Variants in SNX29 observed in about 807,000 individuals in gnomAD.
SNX29 encodes the protein sorting nexin-29.
A neutral mutation model predicts 102.1 loss-of-function variants in SNX29; 78 were observed. That is an observed-to-expected ratio of 0.76 (90% CI 0.64 to 0.92). The LOEUF (loss-of-function observed/expected upper bound fraction) is 0.92. Among genes scored for constraint, SNX29 ranks in the 40% least tolerant of loss-of-function variants. The pLI is 0.00. For synonymous variants in SNX29, 580 were observed against 414.5 expected (o/e 1.40, Z -4.85); for missense variants, 1,280 against 1,061.7 (o/e 1.21, Z -2.86).
chr16:12,560,372 C>CGCTCA (rs2078654515), intron 20 of SNX29, among the ~76,000 whole-genome samples: 2 of 152,102 alleles, frequency 1.3e-5, no homozygotes, highest in Non-Finnish European at 2.9e-5. Flanking sequence ...ACAGGTTGTG[C>CGCTCA]GCTCAGTATT....
intron 3 of SNX29, among the ~76,000 whole-genome samples, chr16:12,017,226 C>G (rs1036698889): frequency 3.3e-5 from 5 of 152,236 alleles, no homozygotes; most frequent in Non-Finnish European, 5.9e-5. Context: ...TCCCCATGCT[C>G]TTGCTAGCAC....
Position 12,060,806 on chromosome 16 carries a change from G to A in SNX29, c.1125-722G>A, listed in dbSNP as rs188391504. 1.7e-3 allele frequency: 768 copies of A among 456,286 alleles called. 1 individual carries two copies. Among genetic ancestry groups the A allele is most frequent in the Non-Finnish European group, 2.6e-3 (585 of 226,966 alleles). 28.3% of individuals were successfully genotyped at this position (456,286 alleles called of 1,614,324 possible). A position where few individuals can be genotyped will look rare whatever the true frequency, so the allele number is the denominator to read the frequency against. ...ACCCAACCACACTGCCTGGCGTTTC[G>A]AAGATGGCACGCATTAGAGATTTGT... is the stretch of plus-strand genomic sequence containing the variant. On this transcript the variant is annotated intron_variant, in intron 8 of 20. Transcript: ENST00000566228.
intron 16 of SNX29, among the ~76,000 whole-genome samples, chr16:12,386,829 G>C (rs563121458): frequency 4.6e-5 from 7 of 152,258 alleles, no homozygotes; most frequent in African/African-American, 1.4e-4. Context: ...AGAAATAAGA[G>C]AGAGCCACAC....
intron 18 of SNX29, among the ~76,000 whole-genome samples, chr16:12,453,964 GT>G (rs1260033940): frequency 6.6e-6 from 1 of 151,948 alleles, no homozygotes; most frequent in African/African-American, 2.4e-5. Context: ...TTTTGTTGTT[GT>G]TTTTTTCCTT....
intron 18 of SNX29, among the ~76,000 whole-genome samples, chr16:12,450,258 A>G (rs371941882): frequency 1.7e-4 from 26 of 152,298 alleles, no homozygotes; most frequent in South Asian, 4.1e-4. Context: ...TTCCCATGAT[A>G]TATGGAGACA....
At chr16:12,123,098 T>C (rs1596974190) in intron 11 of SNX29, among the ~76,000 whole-genome samples, 1 of 152,200 alleles carries the variant, frequency 6.6e-6, no homozygotes, top group African/African-American at 2.4e-5. Flanking sequence ...AGGGCTGGGA[T>C]TACAGGCATG....
intron 20 of SNX29, among the ~76,000 whole-genome samples, chr16:12,544,695 C>T (rs1050488176): frequency 6.6e-6 from 1 of 152,210 alleles, no homozygotes; most frequent in African/African-American, 2.4e-5. Context: ...CTCGAATTCT[C>T]TTCCTCCACC....
At chr16:12,251,920 A>G (rs1196598685) in intron 14 of SNX29, among the ~76,000 whole-genome samples, 3 of 151,918 alleles carry the variant, frequency 2.0e-5, no homozygotes, top group Non-Finnish European at 4.4e-5. Context: ...CCACCATGTC[A>G]AGTAATTTTT....
intron 1 of SNX29, chr16:11,977,645 G>C (rs2055333054): frequency 6.6e-6 from 1 of 152,548 alleles, no homozygotes; most frequent in Non-Finnish European, 1.5e-5. Context: ...TCTCACCATC[G>C]AGGGGGTGGT....
intron 11 of SNX29, among the ~76,000 whole-genome samples, chr16:12,114,117 C>G (rs189052252): frequency 1.3e-5 from 2 of 152,224 alleles, no homozygotes; most frequent in Admixed American, 1.3e-4. Flanking sequence ...CGTTGCCTCC[C>G]GTGCCAACTC....
At chr16:12,458,651 C>T (rs530035938) in intron 18 of SNX29, among the ~76,000 whole-genome samples, 1 of 152,160 alleles carries the variant, frequency 6.6e-6, no homozygotes, top group Non-Finnish European at 1.5e-5. Flanking sequence ...CAGGAAGGAG[C>T]TTTGAATTGT....
At chr16:12,323,502 T>C (rs1478636416) in intron 15 of SNX29, among the ~76,000 whole-genome samples, 1 of 143,234 alleles carries the variant, frequency 7.0e-6, no homozygotes. Context: ...GCCACTGTAG[T>C]CTGCCTAGAG....
intron 15 of SNX29, among the ~76,000 whole-genome samples, chr16:12,301,075 T>TA (rs1037863196): frequency 6.6e-6 from 1 of 152,170 alleles, no homozygotes; most frequent in African/African-American, 2.4e-5. Context: ...TTCAGCTAGC[T>TA]AATCAAGTTA....
At chr16:11,977,117 C>T (rs915248613) in intron 1 of SNX29, 6 of 347,522 alleles carry the variant, frequency 1.7e-5, no homozygotes, top group East Asian at 1.3e-4. Context: ...AGTGTCCAGA[C>T]CCCCAGTTCT....
intron 20 of SNX29, among the ~76,000 whole-genome samples, chr16:12,555,270 G>C (rs1291206274): frequency 6.6e-6 from 1 of 151,550 alleles, no homozygotes; most frequent in Non-Finnish European, 1.5e-5. Context: ...CCCAGGGTAT[G>C]ACCTCCCAGA....
intron 14 of SNX29, among the ~76,000 whole-genome samples, chr16:12,213,483 A>G (rs2077241131): frequency 8.2e-6 from 1 of 121,390 alleles, no homozygotes; most frequent in South Asian, 2.3e-4. Context: ...GAAATAAAGG[A>G]AAAAAATAAA....
At chr16:12,334,270 G>C (rs1279881442) in intron 15 of SNX29, among the ~76,000 whole-genome samples, 4 of 152,122 alleles carry the variant, frequency 2.6e-5, no homozygotes. Flanking sequence ...GCTTAGCTTG[G>C]GGCAACTTTC....
chr16:12,523,400 TTC>T (rs1370778833), intron 19 of SNX29, among the ~76,000 whole-genome samples: 1 of 152,198 alleles, frequency 6.6e-6, no homozygotes, highest in Non-Finnish European at 1.5e-5. Context: ...AGCTCTTTGT[TTC>T]TTCACCTTGC....
At chr16:12,435,204 C>G (rs530772229) in intron 18 of SNX29, among the ~76,000 whole-genome samples, 3 of 152,340 alleles carry the variant, frequency 2.0e-5, no homozygotes, top group Middle Eastern at 3.4e-3. Context: ...CCGTTTCCCT[C>G]TATTCCTCCC....
Sources: allele counts gnomAD v4.1 joint callset (sites outside exome capture counted in the v4.1 genomes callset), GRCh38; gene constraint gnomAD v4.1.1; transcripts MANE v1.5; gene names NCBI Gene and HGNC (gene_info 2026-07-23, HGNC 2026-07-21).